CDH13: variants seen among roughly 807,000 people sequenced by gnomAD.
The protein encoded by CDH13 is cadherin-13.
In CDH13, 24 loss-of-function variants were observed where a neutral mutation model predicts 63.8. That is an observed-to-expected ratio of 0.38 (90% CI 0.27 to 0.53). CDH13 has a LOEUF of 0.53. Ranked by LOEUF, CDH13 falls within the 20% of genes least tolerant of loss-of-function variation. CDH13 has a pLI of 0.85. For missense variants in CDH13, 1,049 were observed against 903.1 expected, an observed-to-expected ratio of 1.16 and a Z score of -2.07; for synonymous variants, 503 against 355.3, an observed-to-expected ratio of 1.42 and a Z score of -4.67.
chr16:83,362,131 G>A (rs1229956355), intron 6 of CDH13, among the ~76,000 whole-genome samples: 1 of 152,136 alleles, frequency 6.6e-6, no homozygotes, highest in Admixed American at 6.6e-5. Context: ...CTCATCAAGT[G>A]TCTCCAAGAT....
At chr16:83,461,525 C>A (rs903824346) in intron 6 of CDH13, among the ~76,000 whole-genome samples, 5 of 152,264 alleles carry the variant, frequency 3.3e-5, no homozygotes, top group South Asian at 2.1e-4. Context: ...AGACCCCCGC[C>A]TTTGTTAAAC....
chr16:83,648,607 A>G (rs1204708930), intron 8 of CDH13, among the ~76,000 whole-genome samples: 1 of 152,100 alleles, frequency 6.6e-6, no homozygotes, highest in African/African-American at 2.4e-5. Context: ...GGAAATTTCC[A>G]TTCATGGTTT....
intron 1 of CDH13, among the ~76,000 whole-genome samples, chr16:82,779,343 G>GA (rs776008510): frequency 6.6e-6 from 1 of 152,168 alleles, no homozygotes; most frequent in Non-Finnish European, 1.5e-5. Flanking sequence ...CCACTTCACA[G>GA]AACTATCCAG....
chr16:82,896,243 G>A (rs2041251991), intron 2 of CDH13, among the ~76,000 whole-genome samples: 1 of 141,850 alleles, frequency 7.0e-6, no homozygotes, highest in African/African-American at 2.6e-5. Flanking sequence ...TGCAGATTGA[G>A]ATAGTCTGAG....
chr16:82,703,409 G>A (rs1414118671), intron 1 of CDH13, among the ~76,000 whole-genome samples: 11 of 152,042 alleles, frequency 7.2e-5, no homozygotes, highest in African/African-American at 1.7e-4. Flanking sequence ...TGGAGAACTC[G>A]TACCCCCAGG....
chr16:83,706,502 C>G (rs1364121), intron 10 of CDH13, among the ~76,000 whole-genome samples: 6 of 151,778 alleles, frequency 4.0e-5, no homozygotes, highest in African/African-American at 1.2e-4. Flanking sequence ...TCAGAGGTAC[C>G]TGAGTTCAGA....
At chr16:82,918,452 A>G (rs2042058193) in intron 2 of CDH13, among the ~76,000 whole-genome samples, 1 of 151,628 alleles carries the variant, frequency 6.6e-6, no homozygotes, top group Non-Finnish European at 1.5e-5. Flanking sequence ...TTTCTGTGGA[A>G]TAAGTTCCTA....
intron 1 of CDH13, among the ~76,000 whole-genome samples, chr16:82,852,849 C>T (rs994799190): frequency 6.6e-6 from 1 of 152,088 alleles, no homozygotes; most frequent in African/African-American, 2.4e-5. Context: ...ATCTGCTGGC[C>T]ACATCCATCC....
Position 83,070,206 on chromosome 16 carries a change from C to A in CDH13, c.366+37988C>A, listed in dbSNP as rs74820055. On this transcript the variant is annotated intron_variant, in intron 3 of 13. Transcript: ENST00000567109. ...AGAGAACTTTAAAATCATTAACTATCCTTTAAAAACTCACTCTTGGAAATA... is the reference window on the plus strand; with the variant it reads ...AGAGAACTTTAAAATCATTAACTATACTTTAAAAACTCACTCTTGGAAATA... Among the ~76,000 whole-genome samples, 16 of 152,186 alleles carry A rather than the reference C, an allele frequency of 1.1e-4. No homozygotes were observed. In the South Asian group the frequency reaches 1.2e-3, roughly 12 times the overall value.
intron 5 of CDH13, among the ~76,000 whole-genome samples, chr16:83,260,464 C>G (rs1168130896): frequency 1.3e-5 from 2 of 152,162 alleles, no homozygotes; most frequent in African/African-American, 4.8e-5. Context: ...GCGCAGCCAT[C>G]CTACCAAGGG....
chr16:83,394,655 C>G (rs529248180), intron 6 of CDH13, among the ~76,000 whole-genome samples: 119 of 152,160 alleles, frequency 7.8e-4, no homozygotes, highest in Non-Finnish European at 1.5e-3. Flanking sequence ...TTTATAGGAC[C>G]TCCCTTGCTA....
chr16:83,202,771 T>A (rs559220897), intron 4 of CDH13, among the ~76,000 whole-genome samples: 1 of 152,334 alleles, frequency 6.6e-6, no homozygotes, highest in South Asian at 2.1e-4. Context: ...TTCATAATGC[T>A]GATTTTATTA....
chr16:82,947,561 C>A (rs969544966), intron 2 of CDH13, among the ~76,000 whole-genome samples: 3 of 151,848 alleles, frequency 2.0e-5, no homozygotes, highest in Non-Finnish European at 4.4e-5. Flanking sequence ...AAGAATGGTA[C>A]AAAATTAAGT....
chr16:83,448,457 G>A (rs541914797), intron 6 of CDH13, among the ~76,000 whole-genome samples: 13 of 152,298 alleles, frequency 8.5e-5, no homozygotes, highest in African/African-American at 3.1e-4. Flanking sequence ...CTCAATGGCT[G>A]TGTGCCCCAG....
At chr16:82,966,081 T>G (rs930746031) in intron 2 of CDH13, among the ~76,000 whole-genome samples, 1 of 152,164 alleles carries the variant, frequency 6.6e-6, no homozygotes, top group Non-Finnish European at 1.5e-5. Context: ...TGTGTAAAAT[T>G]TTCCTCATAG....
chr16:83,195,615 G>A (rs2038856027), intron 4 of CDH13, among the ~76,000 whole-genome samples: 1 of 152,098 alleles, frequency 6.6e-6, no homozygotes, highest in African/African-American at 2.4e-5. Flanking sequence ...CCCCCGCCGT[G>A]ATCCCATCAC....
At chr16:83,165,989 A>T (rs1349299812) in intron 4 of CDH13, among the ~76,000 whole-genome samples, 1 of 152,114 alleles carries the variant, frequency 6.6e-6, no homozygotes, top group East Asian at 1.9e-4. Flanking sequence ...AGCTCTAATG[A>T]CCATTCTTTA....
chr16:83,104,481 C>G (rs1470310754), intron 3 of CDH13, among the ~76,000 whole-genome samples: 1 of 151,972 alleles, frequency 6.6e-6, no homozygotes. Flanking sequence ...CTAAAGAGAG[C>G]CACATAAAAG....
chr16:83,572,839 T>C (rs1904768660), intron 7 of CDH13, among the ~76,000 whole-genome samples: 1 of 152,234 alleles, frequency 6.6e-6, no homozygotes, highest in East Asian at 1.9e-4. Flanking sequence ...AAGGATTTGA[T>C]GCATTTAAAA....
Sources: gnomAD v4.1 joint callset for allele counts (sites outside exome capture counted in the v4.1 genomes callset) on GRCh38, gnomAD v4.1.1 for gene constraint, MANE v1.5 for transcripts, NCBI Gene and HGNC (gene_info 2026-07-23, HGNC 2026-07-21) for gene names.